ELAPOR2: variants seen among roughly 807,000 people sequenced by gnomAD.
ELAPOR2 encodes endosome/lysosome-associated apoptosis and autophagy regulator family member 2.
ELAPOR2 carries 89 observed loss-of-function variants against 120.7 expected under a neutral mutation model. The observed-to-expected ratio is 0.74, with a 90% CI of 0.62 to 0.88. The LOEUF is 0.88. Ranked by LOEUF, ELAPOR2 falls within the 40% of genes least tolerant of loss-of-function variation. The probability of loss-of-function intolerance (pLI) is 0.00; values close to 1 mark genes in which losing one functional copy is unlikely to be tolerated. For missense variants in ELAPOR2, 1,134 were observed against 1,251.6 expected, an observed-to-expected ratio of 0.91 and a Z score of 1.42; for synonymous variants, 444 against 444.9, an observed-to-expected ratio of 1.00 and a Z score of 0.03.
chr7:87,052,391 G>A (rs1459563992), intron 1 of ELAPOR2, among the ~76,000 whole-genome samples: 2 of 152,144 alleles, frequency 1.3e-5, no homozygotes, highest in South Asian at 4.1e-4. Flanking sequence ...AACAGCATGT[G>A]AAATAACTGC....
At chr7:87,053,935 C>T (rs1238776514) in intron 1 of ELAPOR2, among the ~76,000 whole-genome samples, 1 of 152,122 alleles carries the variant, frequency 6.6e-6, no homozygotes. Flanking sequence ...AATTTTCCGT[C>T]ACTGTACTTA....
At chr7:86,908,383 T>C (rs984252811) in intron 17 of ELAPOR2, 64 bp downstream of exon 17, 1 of 798,232 alleles carries the variant, frequency 1.3e-6, no homozygotes, top group East Asian at 2.6e-5. Context: ...TGAGTATTGG[T>C]GTTCCATATA....
chr7:86,978,612 T>C (rs1349945257), intron 1 of ELAPOR2, among the ~76,000 whole-genome samples: 1 of 152,156 alleles, frequency 6.6e-6, no homozygotes, highest in Non-Finnish European at 1.5e-5. Context: ...TTGTTTATAG[T>C]CTAAGAAGGA....
In ELAPOR2 at chr7:86,891,799, T is replaced by C; in HGVS notation, c.2955A>G (p.Gly985=). ...ATACAACTTCCTCTTCATTATCTTC[T>C]CCTTCCATGATAGCACAACTGTCTG... is the stretch of plus-strand genomic sequence containing the variant. ...PAADSCAIME[G]EDNEEEVVYS... The change falls in exon 21 of 22, where the codon GGA becomes GGG. Residue 985 remains glycine (G), a synonymous_variant. Coordinates refer to ENST00000450689, the MANE Select transcript of ELAPOR2 (RefSeq NM_001142749.3). 6.2e-7 allele frequency: 1 copy of C among 1,612,304 alleles called. No individual in the cohort carries two copies. Among genetic ancestry groups the C allele is most frequent in the Non-Finnish European group, 8.5e-7 (1 of 1,178,814 alleles).
intron 1 of ELAPOR2, among the ~76,000 whole-genome samples, chr7:87,001,148 G>T (rs962047356): frequency 3.3e-5 from 5 of 152,126 alleles, no homozygotes; most frequent in African/African-American, 4.8e-5. Context: ...CCAGCTGATT[G>T]TGAGGAAGAA....
At chr7:86,911,492 A>G (rs1789306626) in intron 15 of ELAPOR2, 1 of 394,146 alleles carries the variant, frequency 2.5e-6, no homozygotes. Flanking sequence ...ATACTTCCCA[A>G]CCCTAACCTC....
chr7:86,991,842 T>C lies in ELAPOR2; in HGVS notation c.190-26818A>G, dbSNP rs556261767. 3.3e-5 allele frequency among the ~76,000 whole-genome samples: 5 copies of C among 151,814 alleles called. No individual in the cohort carries two copies. The South Asian group carries it at 1.0e-3, about 31-fold the overall frequency. Reference sequence around the variant, plus strand: ...AAGACAAAATTAACTAAAGAGAAAGTAGAGAATGTGTGCTCTCCCTCTTTT... The same window carrying C: ...AAGACAAAATTAACTAAAGAGAAAGCAGAGAATGTGTGCTCTCCCTCTTTT... On this transcript the variant is annotated intron_variant, in intron 1 of 21. Coordinates refer to ENST00000450689, the MANE Select transcript of ELAPOR2 (RefSeq NM_001142749.3).
intron 2 of ELAPOR2, among the ~76,000 whole-genome samples, chr7:86,950,605 AG>A (rs982698296): frequency 1.4e-4 from 21 of 152,280 alleles, no homozygotes; most frequent in African/African-American, 5.1e-4. Context: ...TGTCACCTGG[AG>A]TTGCTCCCCC....
intron 1 of ELAPOR2, among the ~76,000 whole-genome samples, chr7:87,012,671 AC>A (rs1793729976): frequency 6.6e-6 from 1 of 152,188 alleles, no homozygotes. Context: ...AAGTATCTGA[AC>A]AGATACTTTC....
intron 1 of ELAPOR2, among the ~76,000 whole-genome samples, chr7:87,024,277 T>C (rs1043826362): frequency 7.2e-5 from 11 of 152,056 alleles, no homozygotes; most frequent in Non-Finnish European, 1.6e-4. Context: ...GCATGAAGCG[T>C]TGTTGAATTT....
intron 1 of ELAPOR2, among the ~76,000 whole-genome samples, chr7:86,991,517 AAAAC>A (rs1792944082): frequency 6.6e-6 from 1 of 152,204 alleles, no homozygotes; most frequent in Non-Finnish European, 1.5e-5. Flanking sequence ...TTCTACTTTC[AAAAC>A]ACACACACAC....
chr7:86,902,442 C>T (rs1281891170), intron 18 of ELAPOR2, among the ~76,000 whole-genome samples: 4 of 152,194 alleles, frequency 2.6e-5, no homozygotes, highest in South Asian at 4.1e-4. Flanking sequence ...TCCCAGATTG[C>T]TGGGATTACA....
intron 1 of ELAPOR2, among the ~76,000 whole-genome samples, chr7:86,995,517 A>C (rs892855568): frequency 1.3e-5 from 2 of 152,344 alleles, no homozygotes; most frequent in East Asian, 3.9e-4. Flanking sequence ...GCAAGCTGGA[A>C]GGGCAACTGG....
At chr7:86,906,454 C>T (rs189166517) in intron 18 of ELAPOR2, among the ~76,000 whole-genome samples, 1 of 152,114 alleles carries the variant, frequency 6.6e-6, no homozygotes, top group Admixed American at 6.6e-5. Flanking sequence ...TGTCAGTATG[C>T]CTTTATGCCC....
chr7:86,908,570 T>C (rs749633669), intron 16 of ELAPOR2, 27 bp from the exon 17 acceptor site: 1 of 1,048,294 alleles, frequency 9.5e-7, no homozygotes, highest in Non-Finnish European at 1.4e-6. Flanking sequence ...AAGAAACTAT[T>C]AAGCAATATG....
At chr7:86,909,685 G>T in intron 16 of ELAPOR2, 127 bp downstream of exon 16, 1 of 775,168 alleles carries the variant, frequency 1.3e-6, no homozygotes, top group Non-Finnish European at 2.0e-6. Context: ...ATCTTACAAA[G>T]TGACAATTTA....
At chr7:87,031,889 C>T (rs1186247969) in intron 1 of ELAPOR2, among the ~76,000 whole-genome samples, 1 of 151,940 alleles carries the variant, frequency 6.6e-6, no homozygotes, top group Non-Finnish European at 1.5e-5. Flanking sequence ...GTGAATAAAC[C>T]TCAAAAATCA....
intron 2 of ELAPOR2, among the ~76,000 whole-genome samples, chr7:86,963,115 T>C (rs1285645506): frequency 6.6e-6 from 1 of 152,198 alleles, no homozygotes; most frequent in African/African-American, 2.4e-5. Flanking sequence ...AAAAGTATTA[T>C]TATTTTTGAA....
chr7:86,921,545 A>C (rs888877167), intron 10 of ELAPOR2, among the ~76,000 whole-genome samples: 12 of 152,014 alleles, frequency 7.9e-5, no homozygotes, highest in Admixed American at 3.9e-4. Flanking sequence ...CCCTGCCCAC[A>C]CCTTGATTTC....
Sources: gnomAD v4.1 joint callset for allele counts (sites outside exome capture counted in the v4.1 genomes callset) on GRCh38, gnomAD v4.1.1 for gene constraint, MANE v1.5 for transcripts, NCBI Gene and HGNC (gene_info 2026-07-23, HGNC 2026-07-21) for gene names.